Variants in HOGA1 observed in about 807,000 individuals in gnomAD.
HOGA1 encodes the protein 4-hydroxy-2-oxoglutarate aldolase 1.
In HOGA1, 30 loss-of-function variants were observed where a neutral mutation model predicts 34.3. That is an observed-to-expected ratio of 0.87 (90% CI 0.65 to 1.19). The LOEUF (loss-of-function observed/expected upper bound fraction) is 1.19, where lower values mean the gene tolerates loss of function less well. HOGA1 is among the 50% of genes most tolerant of loss of function. The pLI, the probability that HOGA1 is intolerant of heterozygous loss-of-function variation, is 0.00. For synonymous variants in HOGA1, 161 were observed against 174.0 expected, an observed-to-expected ratio of 0.93 and a Z score of 0.59; for missense variants, 417 against 436.5, an observed-to-expected ratio of 0.96 and a Z score of 0.40.
At chr10:97,590,892 G>C (rs1039386212) in intron 1 of HOGA1, 36 of 379,464 alleles carry the variant, frequency 9.5e-5, no homozygotes, top group African/African-American at 7.2e-4. Flanking sequence ...CCACACTGAT[G>C]TCATTGCCTG....
At position 97,585,055 on chromosome 10, in the gene HOGA1, C is replaced by T. The variant is rs1564753809; in HGVS notation, c.211+141C>T. 36 of 712,488 alleles carry T rather than the reference C, an allele frequency of 5.1e-5. 1 individual carries two copies. In the South Asian group the frequency reaches 5.8e-4, roughly 12 times the overall value. 44.1% of individuals were successfully genotyped at this position (712,488 alleles called of 1,614,324 possible). On this transcript the variant is annotated intron_variant, in intron 1 of 6. Coordinates refer to ENST00000370646, the MANE Select transcript of HOGA1 (RefSeq NM_138413.4). The stretch of plus-strand genomic sequence containing the variant: ...GGGTCATTTTATTATGGGAGAGGAA[C>T]AGGGGAGACTGGTCTGGAGTCAGGA...
chr10:97,602,574 T>A, intron 6 of HOGA1: 2 of 985,412 alleles, frequency 2.0e-6, no homozygotes, highest in Non-Finnish European at 2.4e-6. Flanking sequence ...TATGTGCCCC[T>A]GTATTCAAGT....
In HOGA1 at chr10:97,602,565, A is replaced by G. The variant is rs1371194765; in HGVS notation, c.834+575A>G. Reference sequence around the variant, plus strand: ...CTGAAGTCTGAGGCAACAGAAAAATATGTGCCCCTGTATTCAAGTTTTAAT... The same window carrying G: ...CTGAAGTCTGAGGCAACAGAAAAATGTGTGCCCCTGTATTCAAGTTTTAAT... On this transcript the variant is annotated intron_variant, in intron 6 of 6. Coordinates refer to ENST00000370646, the MANE Select transcript of HOGA1 (RefSeq NM_138413.4). The G allele has an allele frequency of 5.1e-6, 5 of 985,352 alleles. No homozygotes were observed. The African/African-American group carries it at 8.7e-5, about 17-fold the overall frequency. 61.0% of individuals were successfully genotyped at this position (985,352 alleles called of 1,614,324 possible).
rs986057755 is a variant in HOGA1 at position 97,584,618 on chromosome 10, T to C, written c.-86T>C. The C allele has an allele frequency of 2.1e-5, 25 of 1,217,036 alleles. No individual in the cohort carries two copies. The African/African-American group carries it at 2.3e-4, about 11-fold the overall frequency. 75.4% of individuals were successfully genotyped at this position (1,217,036 alleles called of 1,614,324 possible). A position where few individuals can be genotyped will look rare whatever the true frequency, so the allele number is the denominator to read the frequency against. On this transcript the variant is annotated 5_prime_UTR_variant, in exon 1 of 7. Coordinates refer to ENST00000370646, the MANE Select transcript of HOGA1 (RefSeq NM_138413.4). ...GGCCGCAAATTTTTAACTAGAAACA[T>C]TGATCATTAATAGGGGGTTAGAAAG...
chr10:97,586,823 C>T (rs1308560969), intron 1 of HOGA1, among the ~76,000 whole-genome samples: 1 of 152,180 alleles, frequency 6.6e-6, no homozygotes, highest in Non-Finnish European at 1.5e-5. Flanking sequence ...ACCCACTTGT[C>T]TGTCTCCCTC....
chr10:97,592,961 C>T (rs912233892), intron 1 of HOGA1, among the ~76,000 whole-genome samples: 1 of 137,410 alleles, frequency 7.3e-6, no homozygotes, highest in Non-Finnish European at 1.5e-5. Flanking sequence ...ATCCAGGAGG[C>T]GGAGGTTGCA....
chr10:97,598,630 A>G, intron 1 of HOGA1, 145 bp from the exon 2 acceptor site: 4 of 1,051,494 alleles, frequency 3.8e-6, no homozygotes, highest in Non-Finnish European at 5.9e-6. Context: ...TGATGTGAAC[A>G]GTCATTGCAG....
chr10:97,597,719 G>C lies in HOGA1; in HGVS notation c.212-1056G>C, dbSNP rs1483124405. Reference sequence around the variant, plus strand: ...GACTGTAATCCCAGCACTTCTGGAGGCTAAGGTGGGAGGATCACCTGGGCC... The same window carrying C: ...GACTGTAATCCCAGCACTTCTGGAGCCTAAGGTGGGAGGATCACCTGGGCC... On this transcript the variant is annotated intron_variant, in intron 1 of 6. Transcript: ENST00000370646. Among the ~76,000 whole-genome samples, 11 of 152,104 alleles carry C rather than the reference G, an allele frequency of 7.2e-5. 1 individual carries two copies. Among genetic ancestry groups the C allele is most frequent in the Admixed American group, 7.2e-4 (11 of 15,260 alleles).
intron 6 of HOGA1, 103 bp downstream of exon 6, chr10:97,602,093 C>G (rs2041123995): frequency 6.4e-7 from 1 of 1,550,774 alleles, no homozygotes; most frequent in African/African-American, 1.4e-5. Context: ...TCAGTCTCTT[C>G]CTTTCAGAAA....
At chr10:97,595,919 C>T (rs947298330) in intron 1 of HOGA1, among the ~76,000 whole-genome samples, 3 of 152,198 alleles carry the variant, frequency 2.0e-5, no homozygotes, top group African/African-American at 7.2e-5. Context: ...AGGCTCACAC[C>T]TGGACATCTA....
rs751366895 is a variant in HOGA1, at chr10:97,598,846, C to T, written c.283C>T (p.Arg95Cys). Residue 95 changes from arginine to cysteine, a missense_variant, in exon 2 of 7, where the codon CGT becomes TGT. Coordinates refer to ENST00000370646, the MANE Select transcript of HOGA1 (RefSeq NM_138413.4). ...CAGTGAGCGCCTCGAGGTGGTGAGC[C>T]GTGTGCGCCAGGCCATGCCCAAGAA... ...TSSERLEVVS[R>C]VRQAMPKNRL... 38 of 1,614,006 alleles carry T rather than the reference C, an allele frequency of 2.4e-5. No homozygotes were observed. The highest frequency in any genetic ancestry group is 1.6e-4 in the Middle Eastern group (1 of 6,084).
chr10:97,591,926 C>T (rs1480904318), intron 1 of HOGA1, among the ~76,000 whole-genome samples: 5 of 147,942 alleles, frequency 3.4e-5, no homozygotes, highest in Admixed American at 2.7e-4. Flanking sequence ...GCAACCTCTG[C>T]CTCCCGGGTT....
intron 1 of HOGA1, among the ~76,000 whole-genome samples, chr10:97,588,321 CT>C (rs2040988297): frequency 1.3e-5 from 2 of 151,718 alleles, no homozygotes; most frequent in Admixed American, 1.3e-4. Context: ...CCTCAGCCTC[CT>C]GAGTAGCTGG....
At chr10:97,585,990 A>G (rs1012654961) in intron 1 of HOGA1, among the ~76,000 whole-genome samples, 2 of 152,118 alleles carry the variant, frequency 1.3e-5, no homozygotes, top group African/African-American at 4.8e-5. Context: ...TGCAAAAATT[A>G]GCTGGGCGTG....
rs891368260 is a variant in HOGA1, at chr10:97,598,652, C to A, written c.212-123C>A. 5 of 1,270,294 alleles carry A rather than the reference C, an allele frequency of 3.9e-6. No individual in the cohort carries two copies. In the Admixed American group the frequency reaches 8.4e-5, roughly 21 times the overall value. The allele number at this position is 1,270,294 out of a possible 1,614,324, so 78.7% of individuals were successfully genotyped here. A position where few individuals can be genotyped will look rare whatever the true frequency, so the allele number is the denominator to read the frequency against. The stretch of plus-strand genomic sequence containing the variant: ...AACAGTCATTGCAGCTGTGTGGGAA[C>A]CTTCTGTCTGCAAAGATGGGAAGGA... On this transcript the variant is annotated intron_variant, in intron 1 of 6. Coordinates refer to ENST00000370646, the MANE Select transcript of HOGA1 (RefSeq NM_138413.4).
intron 1 of HOGA1, among the ~76,000 whole-genome samples, chr10:97,593,373 A>T (rs547096634): frequency 6.6e-6 from 1 of 152,090 alleles, no homozygotes; most frequent in African/African-American, 2.4e-5. Context: ...GCTACTCGGG[A>T]GGCTGAGACA....
At chr10:97,607,008 G>T (rs1293588487) in intron 6 of HOGA1, among the ~76,000 whole-genome samples, 1 of 151,108 alleles carries the variant, frequency 6.6e-6, no homozygotes, top group Admixed American at 6.6e-5. Context: ...AGTGGCTCAC[G>T]CCTATAATCT....
chr10:97,608,668 GGT>G, intron 6 of HOGA1, among the ~76,000 whole-genome samples: 1 of 152,104 alleles, frequency 6.6e-6, no homozygotes, highest in East Asian at 1.9e-4. Context: ...AGCCAGGCAT[GGT>G]GTTGGTCACC....
intron 1 of HOGA1, chr10:97,589,846 A>G (rs568126358): frequency 2.1e-6 from 3 of 1,419,446 alleles, no homozygotes; most frequent in African/African-American, 2.8e-5. Context: ...TCCAGCAGCC[A>G]TCATGCAAGG....
Sources: gnomAD v4.1 joint callset for allele counts (sites outside exome capture counted in the v4.1 genomes callset) on GRCh38, gnomAD v4.1.1 for gene constraint, MANE v1.5 for transcripts, NCBI Gene and HGNC (gene_info 2026-07-23, HGNC 2026-07-21) for gene names.